PTRHD1: variants seen among roughly 807,000 people sequenced by gnomAD.
PTRHD1 encodes the protein putative peptidyl-tRNA hydrolase PTRHD1.
Under a neutral mutation model 13.6 loss-of-function variants are expected in PTRHD1, and 12 were observed. The ratio of observed to expected loss-of-function variants is 0.88; its 90% CI spans 0.57 to 1.43. The LOEUF is 1.43. PTRHD1 is among the 40% of genes most tolerant of loss of function. PTRHD1 has a pLI of 0.00. For synonymous variants in PTRHD1, 86 were observed against 79.5 expected, an observed-to-expected ratio of 1.08 and a Z score of -0.43; for missense variants, 203 against 184.7, an observed-to-expected ratio of 1.10 and a Z score of -0.57.
chr2:24,792,909 C>T, intron 1 of PTRHD1: 1 of 620,278 alleles, frequency 1.6e-6, no homozygotes, highest in Non-Finnish European at 2.8e-6. Context: ...ACCACTTTAC[C>T]GCGAGCCCAG....
chr2:24,791,852 T>A (rs1469345013), intron 1 of PTRHD1, among the ~76,000 whole-genome samples: 1 of 152,236 alleles, frequency 6.6e-6, no homozygotes, highest in African/African-American at 2.4e-5. Context: ...ATGTAGTTAA[T>A]CCTGGTATTT....
At chr2:24,792,348 T>C (rs1244171054) in intron 1 of PTRHD1, 1 of 152,230 alleles carries the variant, frequency 6.6e-6, no homozygotes, top group Non-Finnish European at 1.5e-5. Context: ...ATTTTAAAAA[T>C]ACAGATTAAG....
Position 24,790,274 on chromosome 2 carries a change from T to C in PTRHD1, c.*137A>G. 1 of 966,576 alleles carries C rather than the reference T, an allele frequency of 1.0e-6. No individual in the cohort carries two copies. The highest frequency in any genetic ancestry group is 1.5e-6 in the Non-Finnish European group (1 of 660,872). 59.9% of individuals were successfully genotyped at this position (966,576 alleles called of 1,614,324 possible). ...ATTAATAAGAGGAAGTAGTTATTAA[T>C]GACAACTTTAATATGAACATGTGCT... On this transcript the variant is annotated 3_prime_UTR_variant, in exon 2 of 2. Coordinates refer to ENST00000328379, the MANE Select transcript of PTRHD1 (RefSeq NM_001013663.2).
chr2:24,790,424 C>G lies in PTRHD1; in HGVS notation c.410G>C (p.Arg137Pro), dbSNP rs143024013. 27 of 1,613,764 alleles carry G rather than the reference C, an allele frequency of 1.7e-5. No individual in the cohort carries two copies. The highest frequency in any genetic ancestry group is 2.2e-5 in the Non-Finnish European group (26 of 1,179,876). The change falls in exon 2 of 2, where the codon CGA becomes CCA. Residue 137 changes from arginine to proline, a missense_variant. Arg to Pro is a moderately radical substitution (Grantham distance 103). Coordinates refer to ENST00000328379, the MANE Select transcript of PTRHD1 (RefSeq NM_001013663.2). ...EEVGQYLKKF[R>P]LFK is the part of the protein sequence containing the mutation. ...TCAAAGCAGCAGTTACTTGAACAAT[C>G]GGAACTTCTTCAAATACTGGCCCAC...
At chr2:24,792,969 A>T (rs575149256) in intron 1 of PTRHD1, 157 bp downstream of exon 1, 1 of 891,278 alleles carries the variant, frequency 1.1e-6, no homozygotes, top group South Asian at 1.7e-5. Flanking sequence ...GGCCCTTCCC[A>T]AGGGCGCACC....
intron 1 of PTRHD1, 173 bp downstream of exon 1, chr2:24,792,953 C>G: frequency 1.3e-6 from 1 of 758,614 alleles, no homozygotes; most frequent in Non-Finnish European, 2.1e-6. Context: ...ACTCTTCACA[C>G]AGTCAGGCCC....
In PTRHD1 at chr2:24,791,832, C is replaced by T. The variant is rs543676400; in HGVS notation, c.253-1251G>A. On this transcript the variant is annotated intron_variant, in intron 1 of 1. Transcript: ENST00000328379. Reference sequence around the variant, plus strand: ...GGACCTGTGCCTGGCACACACTAAGCACTCAATAAATGTAGTTAATCCTGG... The same window carrying T: ...GGACCTGTGCCTGGCACACACTAAGTACTCAATAAATGTAGTTAATCCTGG... Among the ~76,000 whole-genome samples the T allele has an allele frequency of 9.9e-4, 151 of 152,342 alleles. 2 individuals carry two copies. The highest frequency in any genetic ancestry group is 3.4e-3 in the Middle Eastern group (1 of 294).
Position 24,793,151 on chromosome 2 carries a change from C to T in PTRHD1, c.227G>A (p.Gly76Glu), listed in dbSNP as rs528754455. 19 of 1,613,298 alleles carry T rather than the reference C, an allele frequency of 1.2e-5. No individual in the cohort carries two copies. Among genetic ancestry groups the T allele is most frequent in the African/African-American group, 4.0e-5 (3 of 75,076 alleles). ...PHTAAYLQEL[G>E]RMRKVVLEAP... ...CTCGAGGACCACTTTGCGCATGCGC[C>T]CCAGCTCTTGGAGGTAAGCGGCTGT... Residue 76 changes from glycine (G) to glutamate (E), a missense_variant, in exon 1 of 2, where the codon GGG becomes GAG. Coordinates refer to ENST00000328379, the MANE Select transcript of PTRHD1 (RefSeq NM_001013663.2).
At chr2:24,791,917 C>T (rs1375215590) in intron 1 of PTRHD1, among the ~76,000 whole-genome samples, 1 of 152,136 alleles carries the variant, frequency 6.6e-6, no homozygotes, top group East Asian at 1.9e-4. Context: ...TAATCAGTAG[C>T]GACTCCTAAG....
intron 1 of PTRHD1, among the ~76,000 whole-genome samples, chr2:24,790,885 T>G (rs1665606943): frequency 1.3e-5 from 2 of 152,202 alleles, no homozygotes; most frequent in South Asian, 2.1e-4. Flanking sequence ...GCCCATAATT[T>G]TAAGTGCCTC....
chr2:24,790,647 A>G (rs1665600054), intron 1 of PTRHD1, 66 bp from the exon 2 acceptor site: 27 of 1,467,250 alleles, frequency 1.8e-5, no homozygotes, highest in Non-Finnish European at 2.4e-5. Context: ...AGGCCAAAAA[A>G]GGTTTCGGGA....
rs1665694447 is a variant in PTRHD1, at chr2:24,793,354, G to A, written c.24C>T (p.Ala8=). The A allele has an allele frequency of 6.2e-7, 1 of 1,613,616 alleles. No homozygotes were observed. Among genetic ancestry groups the A allele is most frequent in the African/African-American group, 1.3e-5 (1 of 74,960 alleles). Residue 8 remains alanine (A), a synonymous_variant, in exon 1 of 2, where the codon GCC becomes GCT. Coordinates refer to ENST00000328379, the MANE Select transcript of PTRHD1 (RefSeq NM_001013663.2). ...CCGCCATCTTCCTGACCACCCGAAA[G>A]GCCGGACCTACTCCCCGGTGCATCT... MHRGVGP[A]FRVVRKMAAS...
intron 1 of PTRHD1, chr2:24,792,345 A>C (rs1665650789): frequency 6.6e-6 from 1 of 152,258 alleles, no homozygotes; most frequent in Admixed American, 6.5e-5. Context: ...AAAATTTTAA[A>C]AATACAGATT....
At chr2:24,793,082 G>T in intron 1 of PTRHD1, 44 bp downstream of exon 1, 4 of 1,585,090 alleles carry the variant, frequency 2.5e-6, no homozygotes. Context: ...ACCCACTTCC[G>T]CCCTCGATGT....
intron 1 of PTRHD1, chr2:24,792,778 C>A: frequency 3.0e-6 from 1 of 329,924 alleles, no homozygotes; most frequent in South Asian, 5.2e-5. Context: ...CAGGTAAATA[C>A]TCAGTTTGAC....
intron 1 of PTRHD1, 89 bp downstream of exon 1, chr2:24,793,037 A>C (rs180831097): frequency 7.6e-6 from 11 of 1,452,200 alleles, no homozygotes; most frequent in Non-Finnish European, 9.2e-6. Flanking sequence ...CGCCGCACCC[A>C]CTCCCCGCAG....
chr2:24,792,961 C>A (rs547638696), intron 1 of PTRHD1, 165 bp downstream of exon 1: 2 of 818,772 alleles, frequency 2.4e-6, no homozygotes, highest in Non-Finnish European at 1.9e-6. Context: ...CACAGTCAGG[C>A]CCTTCCCAAG....
Position 24,793,228 on chromosome 2 carries a change from CT to C in PTRHD1, c.149del (p.Gln50ArgfsTer42). The C allele has an allele frequency of 1.2e-6, 2 of 1,613,446 alleles. No individual in the cohort carries two copies. Among genetic ancestry groups the C allele is most frequent in the Non-Finnish European group, 1.7e-6 (2 of 1,180,014 alleles). On this transcript the variant is annotated frameshift_variant, in exon 1 of 2. Coordinates refer to ENST00000328379, the MANE Select transcript of PTRHD1 (RefSeq NM_001013663.2). LOFTEE classifies it high-confidence loss of function. ...FSWPAGALVAQACHAATAALH... is the reference protein window; with the variant it reads ...FSWPAGALVAXACHAATAALH... Reference sequence around the variant, plus strand: ...AGGCCGCGGTGGCCGCGTGACAAGCCTGCGCTACCAGTGCGCCCGCCGGCCA... The same window carrying C: ...AGGCCGCGGTGGCCGCGTGACAAGCCGCGCTACCAGTGCGCCCGCCGGCCA...
chr2:24,793,133 AC>A lies in PTRHD1; in HGVS notation c.244del (p.Val82SerfsTer10), dbSNP rs1188685559. The A allele has an allele frequency of 3.1e-6, 5 of 1,612,046 alleles. No homozygotes were observed. Among genetic ancestry groups the A allele is most frequent in the Admixed American group, 1.7e-5 (1 of 59,954 alleles). ...LQELGRMRKV[V>X]LEAPDETTLK... is the part of the protein sequence containing the mutation. ...TCCGCCCGAGTGCCTCACCTCGAGG[AC>A]CACTTTGCGCATGCGCCCCAGCTCT... On this transcript the variant is annotated frameshift_variant, in exon 1 of 2. Transcript: ENST00000328379. LOFTEE classifies it high-confidence loss of function.
Sources: gnomAD v4.1 joint callset for allele counts (sites outside exome capture counted in the v4.1 genomes callset) on GRCh38, gnomAD v4.1.1 for gene constraint, MANE v1.5 for transcripts, NCBI Gene and HGNC (gene_info 2026-07-23, HGNC 2026-07-21) for gene names.